Variants in ANKRD42 observed in about 807,000 individuals in gnomAD.
ANKRD42 encodes the protein ankyrin repeat domain-containing protein 42.
In ANKRD42, 43 loss-of-function variants were observed where a neutral mutation model predicts 51.5. That is an observed-to-expected ratio of 0.83 (90% CI 0.65 to 1.08). The LOEUF (loss-of-function observed/expected upper bound fraction) is 1.08, where lower values mean the gene tolerates loss of function less well. ANKRD42 is among the 50% of genes least tolerant of loss of function. The pLI, the probability that ANKRD42 is intolerant of heterozygous loss-of-function variation, is 0.00. For missense variants in ANKRD42, 608 were observed against 629.3 expected (o/e 0.97, Z 0.36); for synonymous variants, 203 against 213.0 (o/e 0.95, Z 0.41).
Position 83,211,429 on chromosome 11 carries a change from AG to A in ANKRD42, c.586+1del. The A allele has an allele frequency of 1.2e-6, 2 of 1,613,566 alleles. No individual in the cohort carries two copies. The highest frequency in any genetic ancestry group is 1.7e-6 in the Non-Finnish European group (2 of 1,179,834). ...ATGTGGACTACAATGGAAACCTTCC[AG>A]GTATTTTAAATAAAGCAAATATTTT... ...EDVDYNGNLP[V>X]HLAAMEGHLH... On this transcript the variant is annotated frameshift_variant and splice_region_variant, in exon 5 of 11. Coordinates refer to ENST00000533342, the MANE Select transcript of ANKRD42 (RefSeq NM_001300975.2). LOFTEE classifies it high-confidence loss of function.
chr11:83,256,864 A>G (rs1863783130), downstream of ANKRD42, among the ~76,000 whole-genome samples: 1 of 152,120 alleles, frequency 6.6e-6, no homozygotes, highest in Non-Finnish European at 1.5e-5. Flanking sequence ...TTGGCTTCCA[A>G]GGTTAATCCC....
chr11:83,235,227 C>G (rs1863189993), intron 7 of ANKRD42, among the ~76,000 whole-genome samples: 1 of 152,068 alleles, frequency 6.6e-6, no homozygotes, highest in Admixed American at 6.6e-5. Context: ...AAATACATGT[C>G]ATAGGAGTTT....
At chr11:83,207,969 G>GT (rs1322227947) in intron 3 of ANKRD42, among the ~76,000 whole-genome samples, 1 of 152,168 alleles carries the variant, frequency 6.6e-6, no homozygotes, top group African/African-American at 2.4e-5. Context: ...TAGAAAGAGA[G>GT]TTTTTCCCCC....
downstream of ANKRD42, among the ~76,000 whole-genome samples, chr11:83,251,409 C>T (rs549634691): frequency 1.3e-4 from 20 of 152,160 alleles, no homozygotes; most frequent in Non-Finnish European, 2.6e-4. Context: ...TCATCTTAGT[C>T]ATCATTAACA....
Position 83,211,343 on chromosome 11 carries a change from G to A in ANKRD42, c.499G>A (p.Ala167Thr). ...AGAATGGAGACCTGTGCATTATGCAGCTTTTCATGGGCGGCTTGGCTGCTT... is the reference window on the plus strand; with the variant it reads ...AGAATGGAGACCTGTGCATTATGCAACTTTTCATGGGCGGCTTGGCTGCTT... Reference protein sequence around the residue: ...KREWRPVHYAAFHGRLGCLQL... With the variant: ...KREWRPVHYATFHGRLGCLQL... Residue 167 changes from alanine (A) to threonine (T), a missense_variant, in exon 5 of 11, where the codon GCT becomes ACT. Ala to Thr is a moderately conservative substitution (Grantham distance 58, BLOSUM62 0). Transcript: ENST00000533342. 1 of 1,614,208 alleles carries A rather than the reference G, an allele frequency of 6.2e-7. No individual in the cohort carries two copies. Among genetic ancestry groups the A allele is most frequent in the African/African-American group, 1.3e-5 (1 of 75,044 alleles).
intron 1 of ANKRD42, 136 bp from the exon 2 acceptor site, chr11:83,198,343 T>C (rs1490515631): frequency 2.7e-5 from 23 of 863,014 alleles, no homozygotes; most frequent in Non-Finnish European, 1.0e-5. Flanking sequence ...GTTTAAGATA[T>C]TAATGACAAA....
At chr11:83,213,391 A>G in intron 5 of ANKRD42, 1 of 1,571,528 alleles carries the variant, frequency 6.4e-7, no homozygotes, top group Non-Finnish European at 8.6e-7. Flanking sequence ...CTGCGCAGTG[A>G]AGAAAATGAA....
chr11:83,195,130 T>G (rs1861590525), intron 1 of ANKRD42, among the ~76,000 whole-genome samples: 1 of 152,240 alleles, frequency 6.6e-6, no homozygotes, highest in African/African-American at 2.4e-5. Context: ...TTCTGCCATC[T>G]TCTTAAATGC....
chr11:83,238,981 C>A (rs1236221902), intron 8 of ANKRD42, among the ~76,000 whole-genome samples: 1 of 148,410 alleles, frequency 6.7e-6, no homozygotes, highest in African/African-American at 2.5e-5. Context: ...AGCACTCCAA[C>A]CTAGGCGACT....
chr11:83,242,490 G>A (rs1485345850), intron 9 of ANKRD42, among the ~76,000 whole-genome samples: 1 of 151,824 alleles, frequency 6.6e-6, no homozygotes, highest in Non-Finnish European at 1.5e-5. Flanking sequence ...GATAGATGTG[G>A]CTATGAGGTG....
downstream of ANKRD42, among the ~76,000 whole-genome samples, chr11:83,262,810 G>A (rs673021): frequency 0.42 from 64,222 of 151,936 alleles, 14,246 homozygotes; most frequent in African/African-American, 0.57. Flanking sequence ...TAAGAAATGG[G>A]ATTAGGCATC....
intron 9 of ANKRD42, among the ~76,000 whole-genome samples, chr11:83,242,375 C>G (rs1863412203): frequency 6.6e-6 from 1 of 151,872 alleles, no homozygotes; most frequent in African/African-American, 2.4e-5. Flanking sequence ...CGCTATAGTT[C>G]AGGAGAGAGT....
chr11:83,229,882 A>G (rs1863015554), intron 7 of ANKRD42, among the ~76,000 whole-genome samples: 1 of 152,046 alleles, frequency 6.6e-6, no homozygotes, highest in Non-Finnish European at 1.5e-5. Context: ...ACATAGGTGT[A>G]TATGTTTATG....
rs749259004 is a variant in ANKRD42 at position 83,206,078 on chromosome 11, G to T, written c.243G>T (p.Trp81Cys). The T allele has an allele frequency of 1.2e-6, 2 of 1,613,674 alleles. No individual in the cohort carries two copies. Among genetic ancestry groups the T allele is most frequent in the African/African-American group, 1.3e-5 (1 of 74,864 alleles). ...CTTAGTGTCTTCATTGGCTGCTCTGGCATGGAGCTGATATCACACACGTAA... is the reference window on the plus strand; with the variant it reads ...CTTAGTGTCTTCATTGGCTGCTCTGTCATGGAGCTGATATCACACACGTAA... ...GSLECLHWLL[W>C]HGADITHVTT... is the part of the protein sequence containing the mutation. The change falls in exon 3 of 11, where the codon TGG (tryptophan) becomes TGT (cysteine). Residue 81 changes from tryptophan to cysteine, a missense_variant. Transcript: ENST00000533342.
At chr11:83,255,085 A>T (rs1457812997) in intron 11 of ANKRD42, among the ~76,000 whole-genome samples, 1 of 152,212 alleles carries the variant, frequency 6.6e-6, no homozygotes, top group African/African-American at 2.4e-5. Context: ...CACCTTGGAG[A>T]ACTAACTCCA....
At chr11:83,209,281 G>A (rs1165268256) in intron 3 of ANKRD42, 2 of 658,634 alleles carry the variant, frequency 3.0e-6, no homozygotes, top group East Asian at 5.5e-5. Context: ...AATATTATAA[G>A]TGTCTTCTAG....
At chr11:83,249,447 G>C (rs1449280070), downstream of ANKRD42, among the ~76,000 whole-genome samples, 1 of 152,120 alleles carries the variant, frequency 6.6e-6, no homozygotes, top group East Asian at 1.9e-4. Context: ...CTAAGTTGTT[G>C]TTCTTCAGCT....
Position 83,198,543 on chromosome 11 carries a change from G to C in ANKRD42, c.123G>C (p.Gln41His), listed in dbSNP as rs1015512619. The part of the protein sequence containing the change: ...HDAVRAGDVK[Q>H]LSEIVVRGAS... ...CAGTACGAGCTGGAGATGTAAAGCA[G>C]CTTTCAGAAATAGTGGTACGTGGAG... The change falls in exon 2 of 11, where the codon CAG becomes CAC. Residue 41 changes from glutamine to histidine, a missense_variant. Transcript: ENST00000533342. 6.2e-7 allele frequency: 1 copy of C among 1,613,958 alleles called. No homozygotes were observed. The highest frequency in any genetic ancestry group is 8.5e-7 in the Non-Finnish European group (1 of 1,179,874).
downstream of ANKRD42, chr11:83,257,311 G>C (rs549670888): frequency 2.2e-6 from 1 of 455,964 alleles, no homozygotes; most frequent in Non-Finnish European, 4.4e-6. Flanking sequence ...CAGATCTTCA[G>C]GGGGAGACAG....
Sources: gnomAD v4.1 joint callset for allele counts (sites outside exome capture counted in the v4.1 genomes callset) on GRCh38, gnomAD v4.1.1 for gene constraint, MANE v1.5 for transcripts, NCBI Gene and HGNC (gene_info 2026-07-23, HGNC 2026-07-21) for gene names.